The following L3MBTL4 variants were observed in gnomAD, a reference collection of about 807,000 sequenced individuals.
L3MBTL4 encodes the protein L3MBTL histone methyl-lysine binding protein 4.
L3MBTL4 carries 70 observed loss-of-function variants against 84.5 expected under a neutral mutation model. The ratio of observed to expected loss-of-function variants is 0.83; its 90% CI spans 0.68 to 1.01. The LOEUF (loss-of-function observed/expected upper bound fraction) is 1.01. Ranked by LOEUF, L3MBTL4 falls within the 50% of genes least tolerant of loss-of-function variation. L3MBTL4 has a pLI of 0.00. For missense variants in L3MBTL4, 715 were observed against 754.8 expected, an observed-to-expected ratio of 0.95 and a Z score of 0.62; for synonymous variants, 274 against 259.8, an observed-to-expected ratio of 1.05 and a Z score of -0.52.
intron 13 of L3MBTL4, among the ~76,000 whole-genome samples, chr18:6,151,765 T>C (rs1342566679): frequency 6.6e-6 from 1 of 152,206 alleles, no homozygotes; most frequent in Non-Finnish European, 1.5e-5. Context: ...GTGATAAACA[T>C]ATATATTGTG....
intron 5 of L3MBTL4, chr18:6,259,815 G>C (rs1413528336): frequency 6.6e-6 from 1 of 152,072 alleles, no homozygotes; most frequent in East Asian, 1.9e-4. Context: ...GTCAAATTTT[G>C]TTTTTGCTGT....
At chr18:6,136,207 C>G (rs1047650574) in intron 14 of L3MBTL4, among the ~76,000 whole-genome samples, 4 of 152,158 alleles carry the variant, frequency 2.6e-5, no homozygotes, top group Admixed American at 1.3e-4. Context: ...AGATACAATT[C>G]AAGTTGAGAT....
chr18:6,103,252 T>C (rs375538027), intron 14 of L3MBTL4, among the ~76,000 whole-genome samples: 5 of 152,232 alleles, frequency 3.3e-5, no homozygotes, highest in Admixed American at 2.0e-4. Context: ...ACTAACTCAA[T>C]TGAAACAATT....
chr18:5,996,806 G>A lies in L3MBTL4; in HGVS notation c.1445-27244C>T, dbSNP rs551785857. 3.9e-5 allele frequency among the ~76,000 whole-genome samples: 6 copies of A among 152,206 alleles called. No individual in the cohort carries two copies. The South Asian group carries it at 1.2e-3, about 32-fold the overall frequency. ...GGGCAGCAGGAGTTTCTTTATAAGG[G>A]GCAGGACTTAAGCCCTATTTAGATA... is the stretch of plus-strand genomic sequence containing the variant. On this transcript the variant is annotated intron_variant, in intron 16 of 18. Coordinates refer to ENST00000317931, the MANE Select transcript of L3MBTL4 (RefSeq NM_001330559.2).
chr18:6,052,099 AG>A (rs1335170569), intron 16 of L3MBTL4, among the ~76,000 whole-genome samples: 1 of 152,218 alleles, frequency 6.6e-6, no homozygotes, highest in East Asian at 1.9e-4. Flanking sequence ...TTTTTTGAAA[AG>A]CAACTGGAGG....
In L3MBTL4 at chr18:6,286,094, T is replaced by A. The variant is rs970874475; in HGVS notation, c.127+15809A>T. On this transcript the variant is annotated intron_variant, in intron 4 of 18. Coordinates refer to ENST00000317931, the MANE Select transcript of L3MBTL4 (RefSeq NM_001330559.2). ...ATCCGCCCGCCTCGGCCTCCCAAAG[T>A]GCTGGGATTAAAGGCGTGAGCCACC... Among the ~76,000 whole-genome samples, 11 of 151,742 alleles carry A rather than the reference T, an allele frequency of 7.2e-5. No individual in the cohort carries two copies. The East Asian group carries it at 2.2e-3, about 30-fold the overall frequency.
intron 16 of L3MBTL4, among the ~76,000 whole-genome samples, chr18:6,075,502 C>T: frequency 6.6e-6 from 1 of 152,078 alleles, no homozygotes; most frequent in East Asian, 1.9e-4. Context: ...ATCTTCGCCT[C>T]TATGTTACAC....
intron 14 of L3MBTL4, among the ~76,000 whole-genome samples, chr18:6,114,684 AC>A (rs1306449003): frequency 2.0e-5 from 3 of 152,184 alleles, no homozygotes; most frequent in Admixed American, 1.3e-4. Context: ...TTTATCTGAA[AC>A]CTTTTTTCCA....
At chr18:6,338,374 C>T (rs1371099922) in intron 1 of L3MBTL4, among the ~76,000 whole-genome samples, 5 of 151,822 alleles carry the variant, frequency 3.3e-5, no homozygotes, top group Admixed American at 6.6e-5. Context: ...TGCTGATAAA[C>T]AATAATATTG....
intron 10 of L3MBTL4, among the ~76,000 whole-genome samples, chr18:6,234,279 C>G (rs1227065476): frequency 1.3e-5 from 2 of 152,126 alleles, no homozygotes; most frequent in African/African-American, 4.8e-5. Context: ...GTCTAAAACA[C>G]CAAAAGCAAT....
chr18:6,001,215 C>T (rs923265428), intron 16 of L3MBTL4, among the ~76,000 whole-genome samples: 1 of 152,240 alleles, frequency 6.6e-6, no homozygotes, highest in Non-Finnish European at 1.5e-5. Flanking sequence ...TAGCAATCCC[C>T]ATTGCCTAAA....
At position 6,232,113 on chromosome 18, in the gene L3MBTL4, C is replaced by A. The variant is rs181052375; in HGVS notation, c.784+5851G>T. On this transcript the variant is annotated intron_variant, in intron 10 of 18. Coordinates refer to ENST00000317931, the MANE Select transcript of L3MBTL4 (RefSeq NM_001330559.2). ...GTCATGAAAGGGTGTTGAATCTTGT[C>A]AAATGCTTTTCTGCCTTAATTGCAA... Among the ~76,000 whole-genome samples, 9 of 152,172 alleles carry A rather than the reference C, an allele frequency of 5.9e-5. No homozygotes were observed. In the East Asian group the frequency reaches 1.7e-3, roughly 29 times the overall value.
At chr18:6,125,302 T>C (rs569346079) in intron 14 of L3MBTL4, among the ~76,000 whole-genome samples, 5 of 152,210 alleles carry the variant, frequency 3.3e-5, no homozygotes, top group Non-Finnish European at 7.3e-5. Flanking sequence ...TTGGCATATG[T>C]ACAAGTTATG....
rs576086976 is a variant in L3MBTL4 at position 6,112,588 on chromosome 18, T to C, written c.1200-19060A>G. Among the ~76,000 whole-genome samples, 14 of 152,338 alleles carry C rather than the reference T, an allele frequency of 9.2e-5. No homozygotes were observed. The East Asian group carries it at 2.7e-3, about 29-fold the overall frequency. On this transcript the variant is annotated intron_variant, in intron 14 of 18. Coordinates refer to ENST00000317931, the MANE Select transcript of L3MBTL4 (RefSeq NM_001330559.2). ...AACTAATCTCTGGATAAGCGCAGGA[T>C]GTCCCTATTTTAAAATCTCTGCTCC...
intron 17 of L3MBTL4, among the ~76,000 whole-genome samples, chr18:5,961,180 C>T (rs9952302): frequency 0.37 from 56,295 of 152,080 alleles, 10,716 homozygotes; most frequent in East Asian, 0.5. Flanking sequence ...CCTGGTTTCA[C>T]GGGAAAGGTT....
At chr18:6,390,891 CT>C (rs2055020680) in intron 1 of L3MBTL4, among the ~76,000 whole-genome samples, 3 of 152,196 alleles carry the variant, frequency 2.0e-5, no homozygotes, top group African/African-American at 7.2e-5. Context: ...CAGCTGAATT[CT>C]ACCAGACATT....
chr18:6,072,405 T>A (rs1471130529), intron 16 of L3MBTL4, among the ~76,000 whole-genome samples: 1 of 152,120 alleles, frequency 6.6e-6, no homozygotes, highest in Non-Finnish European at 1.5e-5. Flanking sequence ...TATTTCTTCA[T>A]ACCACATATA....
intron 17 of L3MBTL4, among the ~76,000 whole-genome samples, chr18:5,968,430 G>C (rs2052458570): frequency 1.3e-5 from 2 of 152,146 alleles, no homozygotes; most frequent in African/African-American, 2.4e-5. Flanking sequence ...AGGCAAGGTG[G>C]CTCCTGCAAG....
intron 14 of L3MBTL4, among the ~76,000 whole-genome samples, chr18:6,135,115 C>T (rs1366622888): frequency 6.6e-6 from 1 of 152,220 alleles, no homozygotes; most frequent in African/African-American, 2.4e-5. Flanking sequence ...AGGCTTGGGA[C>T]TTCCACCCTC....
Sources: gnomAD v4.1 joint callset for allele counts (sites outside exome capture counted in the v4.1 genomes callset) on GRCh38, gnomAD v4.1.1 for gene constraint, MANE v1.5 for transcripts, NCBI Gene and HGNC (gene_info 2026-07-23, HGNC 2026-07-21) for gene names.